The following SLC3A1 variants were observed in gnomAD, a reference collection of about 807,000 sequenced individuals.
SLC3A1 encodes the protein solute carrier family 3 member 1, also known as amino acid transporter heavy chain SLC3A1.
A neutral mutation model predicts 60.3 loss-of-function variants in SLC3A1; 78 were observed. That is an observed-to-expected ratio of 1.29 (90% confidence interval 1.08 to 1.56). The LOEUF is 1.56. SLC3A1 is among the 40% of genes most tolerant of loss of function. The pLI, the probability that SLC3A1 is intolerant of heterozygous loss-of-function variation, is 0.00. For missense variants in SLC3A1, 1,172 were observed against 858.9 expected, an observed-to-expected ratio of 1.36 and a Z score of -4.56; for synonymous variants, 392 against 307.9, an observed-to-expected ratio of 1.27 and a Z score of -2.86.
rs563452462 is a variant in SLC3A1, at chr2:44,312,521, A to T, written c.1333-65A>T. The T allele has an allele frequency of 1.2e-4, 193 of 1,560,268 alleles. No homozygotes were observed. In the Middle Eastern group the frequency reaches 5.9e-3, roughly 47 times the overall value. ...TTTGCTACGTTGTGAACTTTCTGTG[A>T]AATAGGGTAAATCTTTCAGAAAACT... On this transcript the variant is annotated intron_variant, in intron 7 of 9. Transcript: ENST00000260649.
In SLC3A1 at chr2:44,320,890, AG is replaced by A. The variant is rs1440037783; in HGVS notation, c.*253del. The A allele has an allele frequency of 2.0e-6, 1 of 501,428 alleles. No homozygotes were observed. The highest frequency in any genetic ancestry group is 3.6e-6 in the Non-Finnish European group (1 of 280,350). 31.1% of individuals were successfully genotyped at this position (501,428 alleles called of 1,614,324 possible). On this transcript the variant is annotated 3_prime_UTR_variant, in exon 10 of 10. Transcript: ENST00000260649. ...CAATCAGGGATGACCAGAACACATT[AG>A]GACCCCAGATTATTCAAAAACTTTA... is the stretch of plus-strand genomic sequence containing the variant.
chr2:44,289,941 A>T lies in SLC3A1; in HGVS notation c.891+3784A>T, dbSNP rs1671704782. Among the ~76,000 whole-genome samples the T allele has an allele frequency of 4.6e-5, 7 of 151,940 alleles. No homozygotes were observed. In the South Asian group the frequency reaches 1.5e-3, roughly 32 times the overall value. On this transcript the variant is annotated intron_variant, in intron 4 of 9. Coordinates refer to ENST00000260649, the MANE Select transcript of SLC3A1 (RefSeq NM_000341.4). ...CCACTGCGCCTGGCCCAATTTATTT[A>T]TTTTTTTCTTTTGTTGCTTGTGCCT...
chr2:44,312,821 C>A, intron 8 of SLC3A1, 68 bp downstream of exon 8: 1 of 1,353,564 alleles, frequency 7.4e-7, no homozygotes, highest in South Asian at 1.2e-5. Context: ...TATTTTTTGC[C>A]AAATCAGAGA....
At chr2:44,285,099 T>C (rs1356651601) in intron 3 of SLC3A1, 1 of 152,210 alleles carries the variant, frequency 6.6e-6, no homozygotes, top group Non-Finnish European at 1.5e-5. Flanking sequence ...GTTCCTTTTG[T>C]ATTCTGGATA....
At chr2:44,290,700 G>T (rs6544756) in intron 4 of SLC3A1, among the ~76,000 whole-genome samples, 25 of 147,228 alleles carry the variant, frequency 1.7e-4, no homozygotes, top group Non-Finnish European at 1.5e-4. Flanking sequence ...TTTTTTTACT[G>T]TATATGTTTG....
intron 7 of SLC3A1, among the ~76,000 whole-genome samples, chr2:44,310,652 C>T (rs1363528297): frequency 6.6e-6 from 1 of 152,028 alleles, no homozygotes; most frequent in East Asian, 1.9e-4. Context: ...TTCTTAGATA[C>T]ACAATTTTTA....
At chr2:44,313,791 T>C (rs773546438) in intron 8 of SLC3A1, 44 bp from the exon 9 acceptor site, 3 of 1,432,776 alleles carry the variant, frequency 2.1e-6, no homozygotes, top group African/African-American at 2.8e-5. Flanking sequence ...ACATTTCTTC[T>C]AATAACCAAA....
At chr2:44,288,470 G>C (rs1671666474) in intron 4 of SLC3A1, among the ~76,000 whole-genome samples, 1 of 150,850 alleles carries the variant, frequency 6.6e-6, no homozygotes, top group African/African-American at 2.4e-5. Flanking sequence ...GCCTCAGTTA[G>C]ATAGGTTTTG....
chr2:44,290,119 C>G (rs1400287449), intron 4 of SLC3A1, among the ~76,000 whole-genome samples: 3 of 127,194 alleles, frequency 2.4e-5, no homozygotes, highest in African/African-American at 6.5e-5. Flanking sequence ...GGTAAGCTGT[C>G]CGACTTTTTT....
downstream of SLC3A1, chr2:44,322,018 A>G: frequency 9.2e-7 from 1 of 1,081,670 alleles, no homozygotes; most frequent in South Asian, 1.8e-5. Context: ...AAAGGAATAA[A>G]AAGCAAAAAC....
chr2:44,286,558 CGGTG>C (rs1558455944), intron 4 of SLC3A1, among the ~76,000 whole-genome samples: 30 of 130,328 alleles, frequency 2.3e-4, no homozygotes, highest in African/African-American at 7.9e-4. Context: ...GTGCCTGTGA[CGGTG>C]AGCTGTGCGG....
At chr2:44,296,672 G>A (rs1282775705) in intron 4 of SLC3A1, among the ~76,000 whole-genome samples, 2 of 152,154 alleles carry the variant, frequency 1.3e-5, no homozygotes, top group African/African-American at 4.8e-5. Context: ...CCCTTGACTT[G>A]ACTTGAAACC....
intron 9 of SLC3A1, among the ~76,000 whole-genome samples, chr2:44,317,163 A>G (rs1221581645): frequency 6.6e-6 from 1 of 152,154 alleles, no homozygotes; most frequent in Non-Finnish European, 1.5e-5. Flanking sequence ...CATTAAATAG[A>G]ATTAAACATT....
In SLC3A1 at chr2:44,319,307, T is replaced by C. The variant is rs1041197962; in HGVS notation, c.1618-892T>C. The C allele has an allele frequency of 2.0e-5, 3 of 152,728 alleles. No individual in the cohort carries two copies. The South Asian group carries it at 6.2e-4, about 32-fold the overall frequency. 9.5% of individuals were successfully genotyped at this position (152,728 alleles called of 1,614,324 possible). ...TGGCAACAGCTCTTATGAAGAATAA[T>C]TTGGCATTATGTATCAAGTGCCCAT... On this transcript the variant is annotated intron_variant, in intron 9 of 9. Coordinates refer to ENST00000260649, the MANE Select transcript of SLC3A1 (RefSeq NM_000341.4).
chr2:44,286,077 A>G lies in SLC3A1; in HGVS notation c.811A>G (p.Asn271Asp), dbSNP rs1189522544. The G allele has an allele frequency of 4.3e-6, 7 of 1,613,984 alleles. No individual in the cohort carries two copies. Among genetic ancestry groups the G allele is most frequent in the Non-Finnish European group, 5.9e-6 (7 of 1,179,970 alleles). Residue 271 changes from asparagine to aspartate, a missense_variant, in exon 4 of 10, where the codon AAC (asparagine) becomes GAC (aspartate). Coordinates refer to ENST00000260649, the MANE Select transcript of SLC3A1 (RefSeq NM_000341.4). ...NSSWHFDEVR[N>D]QCYFHQFMKE... ...CAGTTGGCACTTTGACGAAGTGCGA[A>G]ACCAATGTTATTTTCATCAGTTTAT...
chr2:44,318,406 T>G (rs112025852), intron 9 of SLC3A1: 2,945 of 181,382 alleles, frequency 0.016, 111 homozygotes, highest in African/African-American at 0.067. Context: ...AATTTGTTTT[T>G]AATAGAAGAC....
Position 44,287,071 on chromosome 2 carries a change from T to C in SLC3A1, c.891+914T>C, listed in dbSNP as rs116170359. Reference sequence around the variant, plus strand: ...TACTCATTGAGTAAATATTAACATATTGCCTACTCCGTGCCAGGCCCTGTT... The same window carrying C: ...TACTCATTGAGTAAATATTAACATACTGCCTACTCCGTGCCAGGCCCTGTT... On this transcript the variant is annotated intron_variant, in intron 4 of 9. Transcript: ENST00000260649. Among the ~76,000 whole-genome samples the C allele has an allele frequency of 3.7e-3, 556 of 152,246 alleles. 3 individuals are homozygous for C. Among genetic ancestry groups the C allele is most frequent in the African/African-American group, 0.013 (537 of 41,542 alleles).
chr2:44,303,525 C>A (rs943383284), intron 6 of SLC3A1, among the ~76,000 whole-genome samples: 2 of 150,372 alleles, frequency 1.3e-5, no homozygotes, highest in Non-Finnish European at 3.0e-5. Context: ...GTGTGAGCCA[C>A]TGCACCTGGC....
At chr2:44,282,425 C>A (rs75434004) in intron 3 of SLC3A1, among the ~76,000 whole-genome samples, 3,861 of 152,012 alleles carry the variant, frequency 0.025, 168 homozygotes, top group African/African-American at 0.088. Flanking sequence ...CTCTCAGCAG[C>A]AAACTCGACT....
Sources: gnomAD v4.1 joint callset for allele counts (sites outside exome capture counted in the v4.1 genomes callset) on GRCh38, gnomAD v4.1.1 for gene constraint, MANE v1.5 for transcripts, NCBI Gene and HGNC (gene_info 2026-07-23, HGNC 2026-07-21) for gene names.